Variants in UNC45B observed in about 807,000 individuals in gnomAD.
UNC45B encodes protein unc-45 homolog B.
In UNC45B, 78 loss-of-function variants were observed where a neutral mutation model predicts 98.7. The observed-to-expected ratio is 0.79, with a 90% CI of 0.66 to 0.95. The LOEUF is 0.95. UNC45B is among the 40% of genes least tolerant of loss of function. The pLI, the probability that UNC45B is intolerant of heterozygous loss-of-function variation, is 0.00. For missense variants in UNC45B, 1,225 were observed against 1,184.9 expected, an observed-to-expected ratio of 1.03 and a Z score of -0.50; for synonymous variants, 462 against 480.4, an observed-to-expected ratio of 0.96 and a Z score of 0.50.
At chr17:35,161,512 G>C (rs1372278784) in intron 8 of UNC45B, among the ~76,000 whole-genome samples, 1 of 152,040 alleles carries the variant, frequency 6.6e-6, no homozygotes, top group East Asian at 1.9e-4. Flanking sequence ...GGCATTTGAG[G>C]GATGCTTTTA....
At position 35,175,999 on chromosome 17, in the gene UNC45B, G is replaced by T; in HGVS notation, c.1990G>T (p.Asp664Tyr). The part of the protein sequence containing the change: ...VFLALCDNPK[D>Y]RGTIVAQGGG... ...CCTGGCACTGTGTGACAACCCAAAG[G>T]ACCGAGGCACCATTGTGGCTCAAGG... The change falls in exon 15 of 20, where the codon GAC becomes TAC. Residue 664 changes from aspartate to tyrosine, a missense_variant. Physicochemically the swap from Asp to Tyr is radical, Grantham distance 160. Transcript: ENST00000394570. 1 of 1,614,106 alleles carries T rather than the reference G, an allele frequency of 6.2e-7. No individual in the cohort carries two copies. Among genetic ancestry groups the T allele is most frequent in the South Asian group, 1.1e-5 (1 of 91,068 alleles).
chr17:35,186,249 G>A (rs373554247), intron 19 of UNC45B, 50 bp from the exon 20 acceptor site: 2 of 1,598,388 alleles, frequency 1.3e-6, no homozygotes, highest in African/African-American at 1.3e-5. Context: ...CATGAACTCT[G>A]GGGACACACT....
intron 8 of UNC45B, among the ~76,000 whole-genome samples, chr17:35,160,334 G>A (rs543637372): frequency 6.6e-6 from 1 of 152,300 alleles, no homozygotes; most frequent in South Asian, 2.1e-4. Flanking sequence ...ATCTGCTTAG[G>A]AATAAAAGGA....
rs2092307157 is a variant in UNC45B at position 35,186,816 on chromosome 17, C to G, written c.*257C>G. ...CAGAAATTCCCAGAATAATTTTCAC[C>G]CATGATTAGAAATAGGTTGGATCAT... On this transcript the variant is annotated 3_prime_UTR_variant, in exon 20 of 20. Transcript: ENST00000394570. The G allele has an allele frequency of 2.6e-6, 1 of 386,182 alleles. No individual in the cohort carries two copies. The highest frequency in any genetic ancestry group is 2.0e-5 in the African/African-American group (1 of 49,274). 23.9% of individuals were successfully genotyped at this position (386,182 alleles called of 1,614,324 possible). A position where few individuals can be genotyped will look rare whatever the true frequency, so the allele number is the denominator to read the frequency against.
rs768883815 is a variant in UNC45B at position 35,188,083 on chromosome 17, G to A, written c.*1524G>A. 9 of 152,218 alleles carry A rather than the reference G, an allele frequency of 5.9e-5. No homozygotes were observed. Among genetic ancestry groups the A allele is most frequent in the Non-Finnish European group, 1.3e-4 (9 of 68,034 alleles). 9.4% of individuals were successfully genotyped at this position (152,218 alleles called of 1,614,324 possible). A position where few individuals can be genotyped will look rare whatever the true frequency, so the allele number is the denominator to read the frequency against. ...CAACATAATACCCGCTGTACCTCTA[G>A]AGAACTAAAACCTTAATTTCTCAGA... On this transcript the variant is annotated 3_prime_UTR_variant, in exon 20 of 20. Transcript: ENST00000394570.
chr17:35,159,682 A>G lies in UNC45B; in HGVS notation c.979+137A>G. Reference sequence around the variant, plus strand: ...AAAAGATGAGAAAAGGCATTGGCCCATCAGGATCCACCAGTGGGCCTGTGA... The same window carrying G: ...AAAAGATGAGAAAAGGCATTGGCCCGTCAGGATCCACCAGTGGGCCTGTGA... On this transcript the variant is annotated intron_variant, in intron 8 of 19. Transcript: ENST00000394570. The G allele has an allele frequency of 4.0e-6, 4 of 999,170 alleles. No homozygotes were observed. The African/African-American group carries it at 4.9e-5, about 12-fold the overall frequency. 61.9% of individuals were successfully genotyped at this position (999,170 alleles called of 1,614,324 possible). A position where few individuals can be genotyped will look rare whatever the true frequency, so the allele number is the denominator to read the frequency against.
intron 4 of UNC45B, among the ~76,000 whole-genome samples, chr17:35,151,991 A>T (rs572743640): frequency 2.6e-5 from 4 of 152,352 alleles, no homozygotes; most frequent in African/African-American, 9.6e-5. Flanking sequence ...CACGCCTGTA[A>T]TCCCAACACT....
rs751837995 is a variant in UNC45B, at chr17:35,170,147, C to G, written c.1581C>G (p.Thr527=). 1.9e-6 allele frequency: 3 copies of G among 1,613,472 alleles called. No individual in the cohort carries two copies. In the East Asian group the frequency reaches 6.7e-5, roughly 36 times the overall value. ...WLCNMSIDTR[T]RRWAVEGLAY... is the part of the protein sequence containing the mutation. ...GCAATATGTCCATAGACACTCGGAC[C>G]CGACGCTGGGCAGTGGAGGGCCTGG... Residue 527 remains threonine (T), a synonymous_variant, in exon 12 of 20, where the codon ACC becomes ACG. Transcript: ENST00000394570.
intron 6 of UNC45B, 147 bp from the exon 7 acceptor site, chr17:35,155,149 A>G: frequency 1.1e-6 from 1 of 944,106 alleles, no homozygotes; most frequent in Non-Finnish European, 1.6e-6. Context: ...TTTCCAGGAC[A>G]GAGGGGCCCA....
chr17:35,158,047 T>A (rs910538495), intron 7 of UNC45B, among the ~76,000 whole-genome samples: 2 of 152,172 alleles, frequency 1.3e-5, no homozygotes, highest in African/African-American at 4.8e-5. Context: ...GGCTAATTTT[T>A]AAATTTTTCA....
At chr17:35,178,190 G>A (rs1020877426) in intron 17 of UNC45B, among the ~76,000 whole-genome samples, 14 of 152,206 alleles carry the variant, frequency 9.2e-5, no homozygotes, top group African/African-American at 1.9e-4. Context: ...GTGAGCCACC[G>A]CACCCAGCCA....
chr17:35,186,756 C>G lies in UNC45B; in HGVS notation c.*197C>G, dbSNP rs1180514964. On this transcript the variant is annotated 3_prime_UTR_variant, in exon 20 of 20. Transcript: ENST00000394570. ...ACAGAGTTTGGATGTTTCACTCTCT[C>G]TCTTGCTTCCTGTCTCCTTATATTT... is the stretch of plus-strand genomic sequence containing the variant. 2 of 536,842 alleles carry G rather than the reference C, an allele frequency of 3.7e-6. No homozygotes were observed. Among genetic ancestry groups the G allele is most frequent in the African/African-American group, 1.9e-5 (1 of 52,788 alleles). 33.3% of individuals were successfully genotyped at this position (536,842 alleles called of 1,614,324 possible). A position where few individuals can be genotyped will look rare whatever the true frequency, so the allele number is the denominator to read the frequency against.
chr17:35,175,919 G>C (rs934238877), intron 14 of UNC45B, 49 bp from the exon 15 acceptor site: 1 of 1,570,360 alleles, frequency 6.4e-7, no homozygotes, highest in Non-Finnish European at 8.7e-7. Context: ...TGCTGCCTGG[G>C]AAGGTGTGCT....
chr17:35,162,647 T>C (rs1296132909), intron 8 of UNC45B, among the ~76,000 whole-genome samples: 2 of 151,950 alleles, frequency 1.3e-5, no homozygotes, highest in South Asian at 4.1e-4. Context: ...TGGAGTGCAA[T>C]GGCGTGATCT....
chr17:35,154,044 C>T (rs2092040626), intron 5 of UNC45B, among the ~76,000 whole-genome samples: 1 of 152,180 alleles, frequency 6.6e-6, no homozygotes, highest in Non-Finnish European at 1.5e-5. Context: ...CACCCAAGCT[C>T]ATACAGCTAG....
Position 35,168,342 on chromosome 17 carries a change from T to C in UNC45B, c.1433T>C (p.Ile478Thr), listed in dbSNP as rs776363244. Reference sequence around the variant, plus strand: ...TACAAGACCACCAAAAATGAGAAGATCAAGATCCGCACACTGGTGGTGAGT... The same window carrying C: ...TACAAGACCACCAAAAATGAGAAGACCAAGATCCGCACACTGGTGGTGAGT... ...QIYKTTKNEK[I>T]KIRTLVGLCK... is the part of the protein sequence containing the mutation. Residue 478 changes from isoleucine (I) to threonine (T), a missense_variant, in exon 10 of 20, where the codon ATC (isoleucine) becomes ACC (threonine). Ile to Thr is a moderately conservative substitution (Grantham distance 89, BLOSUM62 -1). Transcript: ENST00000394570. 9 of 1,370,358 alleles carry C rather than the reference T, an allele frequency of 6.6e-6. No homozygotes were observed. The highest frequency in any genetic ancestry group is 8.6e-6 in the Non-Finnish European group (9 of 1,050,730). The allele number at this position is 1,370,358 out of a possible 1,614,324, so 84.9% of individuals were successfully genotyped here.
chr17:35,151,791 C>T (rs762327083), intron 4 of UNC45B, among the ~76,000 whole-genome samples: 6 of 152,148 alleles, frequency 3.9e-5, no homozygotes, highest in East Asian at 1.9e-4. Context: ...AAGACCTCTC[C>T]GCACCCCCAA....
At chr17:35,148,154 C>A in intron 1 of UNC45B, 110 bp from the exon 2 acceptor site, 1 of 1,247,690 alleles carries the variant, frequency 8.0e-7, no homozygotes, top group Non-Finnish European at 1.1e-6. Context: ...AGAATCCCCA[C>A]CATCCTCTCT....
chr17:35,150,866 A>T (rs1459555447), intron 4 of UNC45B, among the ~76,000 whole-genome samples: 1 of 151,250 alleles, frequency 6.6e-6, no homozygotes, highest in East Asian at 2.0e-4. Flanking sequence ...AATACATGGG[A>T]ATTGAAGACA....
Sources: allele counts gnomAD v4.1 joint callset (sites outside exome capture counted in the v4.1 genomes callset), GRCh38; gene constraint gnomAD v4.1.1; transcripts MANE v1.5; gene names NCBI Gene and HGNC (gene_info 2026-07-23, HGNC 2026-07-21).